The following NLK variants were observed in gnomAD, a reference collection of about 807,000 sequenced individuals.
The protein encoded by NLK is nemo like kinase.
Under a neutral mutation model 59.0 loss-of-function variants are expected in NLK, and 11 were observed. The ratio of observed to expected loss-of-function variants is 0.19; its 90% CI spans 0.12 to 0.31. The LOEUF (loss-of-function observed/expected upper bound fraction) is 0.31. Ranked by LOEUF, NLK falls within the 10% of genes least tolerant of loss-of-function variation. The pLI is 1.00. For missense variants in NLK, 410 were observed against 661.1 expected, an observed-to-expected ratio of 0.62 and a Z score of 4.16; for synonymous variants, 235 against 235.9, an observed-to-expected ratio of 1.00 and a Z score of 0.03.
chr17:28,105,439 A>G (rs1021600646), intron 1 of NLK, among the ~76,000 whole-genome samples: 5 of 152,126 alleles, frequency 3.3e-5, no homozygotes, highest in African/African-American at 4.8e-5. Flanking sequence ...ATAAACTCTT[A>G]AAAATTGTTG....
intron 6 of NLK, among the ~76,000 whole-genome samples, chr17:28,171,947 TTAAATAATAGGATAAATAGGAAC>T (rs1364913489): frequency 6.6e-6 from 1 of 151,780 alleles, no homozygotes; most frequent in Non-Finnish European, 1.5e-5. Flanking sequence ...GTAGGAACTT[TTAAATAATAGGATAAATAGGAAC>T]TAAATAATAG....
rs34082102 is a variant in NLK at position 28,192,609 on chromosome 17, G to A, written c.1529+396G>A. Among the ~76,000 whole-genome samples the A allele has an allele frequency of 7.5e-3, 1,144 of 152,036 alleles. 13 individuals carry two copies. The highest frequency in any genetic ancestry group is 0.026 in the African/African-American group (1,073 of 41,496). On this transcript the variant is annotated intron_variant, in intron 10 of 10. Transcript: ENST00000407008. ...CTTGAACCCGGGAGGCAGAGGTTGCGGTGAGCCGAGATCGCACCATTGCAC... is the reference window on the plus strand; with the variant it reads ...CTTGAACCCGGGAGGCAGAGGTTGCAGTGAGCCGAGATCGCACCATTGCAC...
intron 1 of NLK, among the ~76,000 whole-genome samples, chr17:28,073,206 A>G (rs1195349575): frequency 6.6e-6 from 1 of 152,196 alleles, no homozygotes; most frequent in Non-Finnish European, 1.5e-5. Flanking sequence ...ACCAAAGCCA[A>G]TAAAGACCCT....
chr17:28,154,606 A>G (rs1907622781), intron 3 of NLK, among the ~76,000 whole-genome samples: 1 of 152,246 alleles, frequency 6.6e-6, no homozygotes, highest in African/African-American at 2.4e-5. Flanking sequence ...AAGCATTTGA[A>G]ATGATATAAA....
At chr17:28,125,143 A>G (rs1391776046) in intron 2 of NLK, among the ~76,000 whole-genome samples, 4 of 152,218 alleles carry the variant, frequency 2.6e-5, no homozygotes, top group East Asian at 1.9e-4. Context: ...GAAGGGTGGT[A>G]TAATAAGCTG....
At chr17:28,154,289 A>T (rs751150250) in intron 3 of NLK, among the ~76,000 whole-genome samples, 1 of 152,204 alleles carries the variant, frequency 6.6e-6, no homozygotes, top group Non-Finnish European at 1.5e-5. Flanking sequence ...AAGAAGTAGT[A>T]CGATGCTCAG....
At chr17:28,194,167 G>T (rs1040812011) in intron 10 of NLK, among the ~76,000 whole-genome samples, 21 of 152,082 alleles carry the variant, frequency 1.4e-4, no homozygotes, top group African/African-American at 5.1e-4. Flanking sequence ...TTATTTTCCT[G>T]ATTGATTATT....
chr17:28,044,572 A>G (rs1567697836), intron 1 of NLK, among the ~76,000 whole-genome samples: 1 of 152,130 alleles, frequency 6.6e-6, no homozygotes, highest in Non-Finnish European at 1.5e-5. Context: ...TCCTTTCTTC[A>G]AGGTGTGTGG....
chr17:28,070,643 G>A (rs1380076015), intron 1 of NLK, among the ~76,000 whole-genome samples: 1 of 151,940 alleles, frequency 6.6e-6, no homozygotes, highest in Non-Finnish European at 1.5e-5. Flanking sequence ...GAGCCACCGT[G>A]CCCAGCCTGA....
rs1908896092 is a variant in NLK at position 28,042,799 on chromosome 17, G to GT, written c.-70dup. The GT allele has an allele frequency of 8.1e-6, 11 of 1,354,916 alleles. No homozygotes were observed. Among genetic ancestry groups the GT allele is most frequent in the Non-Finnish European group, 8.9e-6 (9 of 1,015,976 alleles). The allele number at this position is 1,354,916 out of a possible 1,614,324, so 83.9% of individuals were successfully genotyped here. On this transcript the variant is annotated 5_prime_UTR_variant, in exon 1 of 11. Coordinates refer to ENST00000407008, the MANE Select transcript of NLK (RefSeq NM_016231.5). ...TATGTTTTTTGAGGTGGAGTGAGTG[G>GT]TTTTTCTTCATTTTTAAATGGCCAA... is the stretch of plus-strand genomic sequence containing the variant.
Position 28,168,885 on chromosome 17 carries a change from T to TTAG in NLK, c.1047+230_1047+231insGTA, listed in dbSNP as rs1261558221. Among the ~76,000 whole-genome samples the TTAG allele has an allele frequency of 3.9e-5, 6 of 152,010 alleles. No individual in the cohort carries two copies. In the East Asian group the frequency reaches 1.2e-3, roughly 29 times the overall value. On this transcript the variant is annotated intron_variant, in intron 6 of 10. Coordinates refer to ENST00000407008, the MANE Select transcript of NLK (RefSeq NM_016231.5). The stretch of plus-strand genomic sequence containing the variant: ...TTGAGTTTATTTATGTATTTATTTA[T>TTAG]TATTATTATTATTTTTTGAGACGGA...
At chr17:28,112,614 T>A (rs1905574746) in intron 1 of NLK, among the ~76,000 whole-genome samples, 1 of 152,238 alleles carries the variant, frequency 6.6e-6, no homozygotes, top group African/African-American at 2.4e-5. Context: ...GCTGACCTCT[T>A]CAATTTGCCA....
chr17:28,071,933 G>A (rs574164796), intron 1 of NLK, among the ~76,000 whole-genome samples: 1 of 152,192 alleles, frequency 6.6e-6, no homozygotes, highest in Non-Finnish European at 1.5e-5. Context: ...TTCTCTCTTA[G>A]CAAGGGCTTC....
intron 1 of NLK, among the ~76,000 whole-genome samples, chr17:28,111,900 T>TGTGTG (rs1905526428): frequency 1.6e-4 from 16 of 99,630 alleles, no homozygotes; most frequent in South Asian, 3.3e-4. Flanking sequence ...GTGTGTGGTG[T>TGTGTG]GTGTGTGTGT....
intron 8 of NLK, among the ~76,000 whole-genome samples, chr17:28,190,511 A>C (rs1362387644): frequency 6.6e-6 from 1 of 152,102 alleles, no homozygotes; most frequent in Non-Finnish European, 1.5e-5. Flanking sequence ...TATATCTCAA[A>C]ATATGGCAGT....
At chr17:28,176,020 C>T (rs1306170555) in intron 7 of NLK, among the ~76,000 whole-genome samples, 1 of 151,980 alleles carries the variant, frequency 6.6e-6, no homozygotes, top group Non-Finnish European at 1.5e-5. Flanking sequence ...TACGAAAATC[C>T]ATAGAAAAAT....
intron 1 of NLK, among the ~76,000 whole-genome samples, chr17:28,097,848 T>C (rs1335922439): frequency 6.6e-6 from 1 of 152,190 alleles, no homozygotes; most frequent in East Asian, 1.9e-4. Flanking sequence ...CTTGACAAAT[T>C]GAATTTCCAT....
chr17:28,053,599 A>G (rs139497614), intron 1 of NLK, among the ~76,000 whole-genome samples: 1 of 152,316 alleles, frequency 6.6e-6, no homozygotes, highest in East Asian at 1.9e-4. Flanking sequence ...GACTTCTTAC[A>G]GGGGAATGGA....
chr17:28,068,373 G>A (rs1909905343), intron 1 of NLK, among the ~76,000 whole-genome samples: 2 of 152,134 alleles, frequency 1.3e-5, no homozygotes, highest in South Asian at 4.1e-4. Flanking sequence ...AAAATAAGGA[G>A]TTGTATTTGG....
Sources: gnomAD v4.1 joint callset for allele counts (sites outside exome capture counted in the v4.1 genomes callset) on GRCh38, gnomAD v4.1.1 for gene constraint, MANE v1.5 for transcripts, NCBI Gene and HGNC (gene_info 2026-07-23, HGNC 2026-07-21) for gene names.